Variants in TARS1 observed in about 807,000 individuals in gnomAD.
TARS1 encodes the protein threonine--tRNA ligase 1, cytoplasmic.
A neutral mutation model predicts 97.7 loss-of-function variants in TARS1; 57 were observed. That is an observed-to-expected ratio of 0.58 (90% CI 0.47 to 0.73). The LOEUF (loss-of-function observed/expected upper bound fraction) is 0.73, where lower values mean the gene tolerates loss of function less well. Among genes scored for constraint, TARS1 ranks in the 30% least tolerant of loss-of-function variants. The probability of loss-of-function intolerance (pLI) is 0.00; values close to 1 mark genes in which losing one functional copy is unlikely to be tolerated. For missense variants in TARS1, 806 were observed against 888.3 expected (o/e 0.91, Z 1.18); for synonymous variants, 312 against 293.7 (o/e 1.06, Z -0.64).
chr5:33,458,276 ATAGT>A (rs1339064194), intron 9 of TARS1, among the ~76,000 whole-genome samples: 1 of 152,238 alleles, frequency 6.6e-6, no homozygotes, highest in Non-Finnish European at 1.5e-5. Flanking sequence ...ACTGCAGTGG[ATAGT>A]TAAAGAACTG....
At position 33,461,948 on chromosome 5, in the gene TARS1, T is replaced by C. The variant is rs368438540; in HGVS notation, c.1672T>C (p.Cys558Arg). The C allele has an allele frequency of 6.2e-7, 1 of 1,614,134 alleles. No homozygotes were observed. The highest frequency in any genetic ancestry group is 8.5e-7 in the Non-Finnish European group (1 of 1,179,968). Reference protein sequence around the residue: ...IKDAIGRYHQCATIQLDFQLP... With the variant: ...IKDAIGRYHQRATIQLDFQLP... ...AGATGCGATTGGGCGGTACCACCAG[T>C]GTGCAACCATCCAGCTGGATTTCCA... is the stretch of plus-strand genomic sequence containing the variant. The change falls in exon 15 of 19, where the codon TGT (cysteine) becomes CGT (arginine). Residue 558 changes from cysteine to arginine, a missense_variant. Transcript: ENST00000265112.
chr5:33,450,956 A>G (rs1160258839), intron 3 of TARS1, among the ~76,000 whole-genome samples: 1 of 152,152 alleles, frequency 6.6e-6, no homozygotes, highest in East Asian at 1.9e-4. Context: ...CTCTACTAAA[A>G]ATACAAAAAT....
intron 3 of TARS1, among the ~76,000 whole-genome samples, chr5:33,453,080 TA>T (rs1458033535): frequency 6.6e-6 from 1 of 152,184 alleles, no homozygotes; most frequent in African/African-American, 2.4e-5. Flanking sequence ...TGTCAAATGA[TA>T]ATGTTCTGCA....
In TARS1 at chr5:33,467,786, G is replaced by C; in HGVS notation, c.*78G>C. ...AAAATTGACTTTGTACTCTGAAAAC[G>C]TCAATTTATATTGAACTTGGAGGAG... On this transcript the variant is annotated 3_prime_UTR_variant, in exon 19 of 19. Transcript: ENST00000265112. 1 of 1,477,232 alleles carries C rather than the reference G, an allele frequency of 6.8e-7. No homozygotes were observed. Among genetic ancestry groups the C allele is most frequent in the Non-Finnish European group, 9.0e-7 (1 of 1,106,046 alleles). The allele number at this position is 1,477,232 out of a possible 1,614,324, so 91.5% of individuals were successfully genotyped here.
chr5:33,453,717 T>C (rs1741871339), intron 4 of TARS1, among the ~76,000 whole-genome samples: 2 of 151,944 alleles, frequency 1.3e-5, no homozygotes, highest in Non-Finnish European at 2.9e-5. Flanking sequence ...CACTATTTTA[T>C]TTTAATTTTT....
At chr5:33,455,917 C>A in intron 6 of TARS1, 85 bp from the exon 7 acceptor site, 1 of 1,177,928 alleles carries the variant, frequency 8.5e-7, no homozygotes, top group South Asian at 1.4e-5. Flanking sequence ...CATTTATATT[C>A]ATACAGTGCT....
At chr5:33,451,480 T>G (rs1009342143) in intron 3 of TARS1, among the ~76,000 whole-genome samples, 36 of 151,856 alleles carry the variant, frequency 2.4e-4, no homozygotes. Context: ...GTTGACGCCA[T>G]TCTCCTGCCT....
rs1348193167 is a variant in TARS1, at chr5:33,458,734, AAAAGG to A, written c.1083+75_1083+79del. On this transcript the variant is annotated intron_variant, in intron 10 of 18. Transcript: ENST00000265112. Reference sequence around the variant, plus strand: ...ATCATTTTATTAAATAAGGTCTACTAAAAGGAAAGATAATCTGTATTTGAGAAGAA... The same window carrying A: ...ATCATTTTATTAAATAAGGTCTACTAAAAGATAATCTGTATTTGAGAAGAA... 9.4e-6 allele frequency: 11 copies of A among 1,173,136 alleles called. No homozygotes were observed. The Admixed American group carries it at 2.3e-4, about 25-fold the overall frequency. 72.7% of individuals were successfully genotyped at this position (1,173,136 alleles called of 1,614,324 possible). A position where few individuals can be genotyped will look rare whatever the true frequency, so the allele number is the denominator to read the frequency against.
At position 33,459,687 on chromosome 5, in the gene TARS1, T is replaced by G; in HGVS notation, c.1084-8T>G. 6.2e-7 allele frequency: 1 copy of G among 1,613,790 alleles called. No individual in the cohort carries two copies. Among genetic ancestry groups the G allele is most frequent in the African/African-American group, 1.3e-5 (1 of 75,024 alleles). On this transcript the variant is annotated splice_region_variant and splice_polypyrimidine_tract_variant and intron_variant, in intron 10 of 18. Coordinates refer to ENST00000265112, the MANE Select transcript of TARS1 (RefSeq NM_152295.5). The stretch of plus-strand genomic sequence containing the variant: ...TGCCTACACATGTTTCTGTTTATTT[T>G]CTATCAGAGCGAATATAGGAAAAGA...
intron 3 of TARS1, among the ~76,000 whole-genome samples, chr5:33,450,760 T>C (rs1442137448): frequency 6.6e-6 from 1 of 152,232 alleles, no homozygotes; most frequent in African/African-American, 2.4e-5. Flanking sequence ...TGATCTAGAT[T>C]ACATTGTAAT....
intron 1 of TARS1, chr5:33,441,998 A>G (rs1313566582): frequency 6.6e-6 from 1 of 152,230 alleles, no homozygotes; most frequent in Non-Finnish European, 1.5e-5. Flanking sequence ...CTTGTATTCT[A>G]TACATGAAGG....
chr5:33,442,339 TTTTG>T, intron 1 of TARS1, among the ~76,000 whole-genome samples: 1 of 150,776 alleles, frequency 6.6e-6, no homozygotes, highest in Admixed American at 6.6e-5. Context: ...TTTTTTTTTT[TTTTG>T]CTTAATAGAA....
In TARS1 at chr5:33,461,154, G is replaced by T; in HGVS notation, c.1414-4G>T. 1.2e-6 allele frequency: 2 copies of T among 1,601,562 alleles called. No homozygotes were observed. The highest frequency in any genetic ancestry group is 2.3e-5 in the South Asian group (2 of 88,580). On this transcript the variant is annotated splice_polypyrimidine_tract_variant and splice_region_variant and intron_variant, in intron 12 of 18. Transcript: ENST00000265112. ...TGTTTCTTTTTTTGTTTTTTAATTT[G>T]AAGATTGAAGATGAAATAAAAGGTT...
At chr5:33,450,169 C>T (rs947277140) in intron 3 of TARS1, among the ~76,000 whole-genome samples, 6 of 152,152 alleles carry the variant, frequency 3.9e-5, no homozygotes, top group African/African-American at 1.4e-4. Flanking sequence ...TTCATAGAAT[C>T]CATAATTCCC....
intron 8 of TARS1, 44 bp downstream of exon 8, chr5:33,456,271 A>G (rs1242292713): frequency 7.0e-7 from 1 of 1,432,124 alleles, no homozygotes; most frequent in Non-Finnish European, 9.7e-7. Flanking sequence ...TCTGTCTAGA[A>G]TAGATATATG....
At chr5:33,448,192 A>G (rs1579577058) in intron 2 of TARS1, among the ~76,000 whole-genome samples, 1 of 152,354 alleles carries the variant, frequency 6.6e-6, no homozygotes, top group East Asian at 1.9e-4. Context: ...AAAATAGAAA[A>G]GCCAGTTTAT....
chr5:33,448,521 ATTTGT>A lies in TARS1; in HGVS notation c.139-17_139-13del. On this transcript the variant is annotated splice_polypyrimidine_tract_variant and intron_variant, in intron 2 of 18. Transcript: ENST00000265112. ...ATATTTACTGATCATTTATTTCCTG[ATTTGT>A]TTGTTGTCTTGCAGTTGAATCCTTG... The A allele has an allele frequency of 6.6e-7, 1 of 1,523,730 alleles. No homozygotes were observed. Among genetic ancestry groups the A allele is most frequent in the Non-Finnish European group, 8.8e-7 (1 of 1,131,740 alleles). 94.4% of individuals were successfully genotyped at this position (1,523,730 alleles called of 1,614,324 possible).
intron 1 of TARS1, among the ~76,000 whole-genome samples, chr5:33,443,347 CT>C: frequency 6.6e-6 from 1 of 151,334 alleles, no homozygotes. Flanking sequence ...CTCTCTCTCT[CT>C]CTCTCTCTCT....
At chr5:33,441,231 G>A (rs1741077181) in intron 1 of TARS1, 88 bp downstream of exon 1, 3 of 1,543,298 alleles carry the variant, frequency 1.9e-6, no homozygotes, top group Non-Finnish European at 8.9e-7. Context: ...GGGGCAGGAA[G>A]CAGGAAGCGG....
Sources: allele counts gnomAD v4.1 joint callset (sites outside exome capture counted in the v4.1 genomes callset), GRCh38; gene constraint gnomAD v4.1.1; transcripts MANE v1.5; gene names NCBI Gene and HGNC (gene_info 2026-07-23, HGNC 2026-07-21).